The following WDPCP variants were observed in gnomAD, a reference collection of about 807,000 sequenced individuals.
The protein encoded by WDPCP is WD repeat containing planar cell polarity effector.
A neutral mutation model predicts 93.1 loss-of-function variants in WDPCP; 71 were observed. The observed-to-expected ratio is 0.76, with a 90% CI of 0.63 to 0.93. The LOEUF (loss-of-function observed/expected upper bound fraction) is 0.93, where lower values mean the gene tolerates loss of function less well. WDPCP is among the 40% of genes least tolerant of loss of function. The pLI is 0.00. For missense variants in WDPCP, 844 were observed against 887.4 expected (o/e 0.95, Z 0.62); for synonymous variants, 315 against 315.0 (o/e 1.00, Z 0.00).
At chr2:63,754,538 T>G (rs1202643928) in intron 2 of WDPCP, among the ~76,000 whole-genome samples, 1 of 152,200 alleles carries the variant, frequency 6.6e-6, no homozygotes, top group Admixed American at 6.5e-5. Context: ...AAGGAAGAAA[T>G]AGAATACAAA....
chr2:63,259,780 A>T (rs1256631125), intron 13 of WDPCP, among the ~76,000 whole-genome samples: 1 of 152,204 alleles, frequency 6.6e-6, no homozygotes, highest in African/African-American at 2.4e-5. Context: ...TAAGCACGAT[A>T]CAAGGGATAC....
chr2:63,575,309 T>C lies in WDPCP; in HGVS notation c.75+12888A>G, dbSNP rs1005599954. 2.0e-5 allele frequency among the ~76,000 whole-genome samples: 3 copies of C among 147,102 alleles called. No individual in the cohort carries two copies. The East Asian group carries it at 6.1e-4, about 30-fold the overall frequency. On this transcript the variant is annotated intron_variant, in intron 1 of 17. Coordinates refer to ENST00000272321, the MANE Select transcript of WDPCP (RefSeq NM_015910.7). ...ACATATATAGTATGTATATATATAG[T>C]ATGTACATATATACACAGTATATAT...
At chr2:63,266,022 C>CAT (rs1458875297) in intron 13 of WDPCP, among the ~76,000 whole-genome samples, 1 of 152,002 alleles carries the variant, frequency 6.6e-6, no homozygotes, top group African/African-American at 2.4e-5. Context: ...CAATAAAGGC[C>CAT]ATATATGATA....
intron 13 of WDPCP, among the ~76,000 whole-genome samples, chr2:63,282,603 CAT>C (rs1018455655): frequency 2.6e-5 from 4 of 152,110 alleles, no homozygotes; most frequent in Non-Finnish European, 5.9e-5. Context: ...ATTTATAAAA[CAT>C]AGATTAAAAT....
chr2:63,788,305 G>A lies in WDPCP; in HGVS notation n.308+25317C>T, dbSNP rs143047834. On this transcript the variant is annotated intron_variant and non_coding_transcript_variant, in intron 2 of 4. Transcript: ENST00000467687. ...AATATGTCATTGGTGGGTATGACTC[G>A]CAGGGCATTAGCTAATGCAATTTTC... Among the ~76,000 whole-genome samples, 20 of 152,206 alleles carry A rather than the reference G, an allele frequency of 1.3e-4. No individual in the cohort carries two copies. In the East Asian group the frequency reaches 3.3e-3, roughly 25 times the overall value.
chr2:63,630,513 C>T (rs1396322135), intron 3 of WDPCP, among the ~76,000 whole-genome samples: 1 of 151,690 alleles, frequency 6.6e-6, no homozygotes, highest in East Asian at 1.9e-4. Context: ...GAGAAAAAAA[C>T]TCCCAGGGAC....
intron 13 of WDPCP, among the ~76,000 whole-genome samples, chr2:63,284,581 T>C (rs1207510218): frequency 6.6e-6 from 1 of 152,204 alleles, no homozygotes; most frequent in East Asian, 1.9e-4. Flanking sequence ...TAAAGGTAAC[T>C]TGAACACAAG....
chr2:63,620,972 A>C (rs1202123464), intron 3 of WDPCP, among the ~76,000 whole-genome samples: 1 of 152,210 alleles, frequency 6.6e-6, no homozygotes, highest in African/African-American at 2.4e-5. Flanking sequence ...AATAGCATCA[A>C]CATCAACAAA....
chr2:63,182,090 GCAAA>G (rs1287735681), intron 14 of WDPCP, among the ~76,000 whole-genome samples: 1 of 152,016 alleles, frequency 6.6e-6, no homozygotes, highest in East Asian at 1.9e-4. Flanking sequence ...CATATCATGA[GCAAA>G]CAGAGATAAG....
At chr2:63,180,240 G>C (rs1434959383) in intron 14 of WDPCP, among the ~76,000 whole-genome samples, 1 of 152,094 alleles carries the variant, frequency 6.6e-6, no homozygotes, top group Non-Finnish European at 1.5e-5. Flanking sequence ...GTGCAGTTTT[G>C]TTACATGGAT....
intron 3 of WDPCP, among the ~76,000 whole-genome samples, chr2:63,620,555 T>G (rs1442884074): frequency 6.6e-6 from 1 of 152,176 alleles, no homozygotes; most frequent in Non-Finnish European, 1.5e-5. Flanking sequence ...CCCATCTCCC[T>G]GGGACAGAGC....
chr2:63,316,127 ATTACACAGAATG>A (rs888446117), intron 12 of WDPCP, among the ~76,000 whole-genome samples: 27 of 152,146 alleles, frequency 1.8e-4, no homozygotes, highest in African/African-American at 6.3e-4. Context: ...TAAGTCAGGA[ATTACACAGAATG>A]TTACACAGAG....
intron 2 of WDPCP, among the ~76,000 whole-genome samples, chr2:63,656,451 T>G (rs1203703363): frequency 6.6e-6 from 1 of 152,212 alleles, no homozygotes; most frequent in Admixed American, 6.5e-5. Flanking sequence ...ATACCTGGGC[T>G]ACAGGCGGGC....
At chr2:63,812,565 C>T (rs897203899) in intron 2 of WDPCP, among the ~76,000 whole-genome samples, 2 of 152,198 alleles carry the variant, frequency 1.3e-5, no homozygotes, top group African/African-American at 4.8e-5. Flanking sequence ...CACAGCCTCA[C>T]CAACATCTGT....
At chr2:63,442,876 TGAA>T (rs1277597875) in intron 6 of WDPCP, 1 of 152,094 alleles carries the variant, frequency 6.6e-6, no homozygotes, top group Admixed American at 6.6e-5. Context: ...TTTTATGAGA[TGAA>T]GAAGGAAAGT....
Position 63,142,851 on chromosome 2 carries a change from C to T in WDPCP, c.2190+10063G>A, listed in dbSNP as rs969737021. 2.1e-5 allele frequency among the ~76,000 whole-genome samples: 3 copies of T among 143,278 alleles called. No homozygotes were observed. The Admixed American group carries it at 2.1e-4, about 10-fold the overall frequency. 94.0% of individuals were successfully genotyped at this position (143,278 alleles called of 152,430 possible). ...GTGTGTGTGTGTGTGTGTGTGTGTA[C>T]ACACATATATATACACACATACATA... On this transcript the variant is annotated intron_variant, in intron 17 of 17. Transcript: ENST00000272321.
chr2:63,541,261 C>A (rs557131550), intron 1 of WDPCP, among the ~76,000 whole-genome samples: 69 of 152,266 alleles, frequency 4.5e-4, no homozygotes, highest in African/African-American at 1.6e-3. Flanking sequence ...ACATGAGACA[C>A]CATGCCCAGC....
chr2:63,527,306 G>A (rs1703417065), intron 1 of WDPCP, among the ~76,000 whole-genome samples: 2 of 149,990 alleles, frequency 1.3e-5, no homozygotes, highest in Non-Finnish European at 3.0e-5. Flanking sequence ...GTGCCATGTT[G>A]GTGTGCTACA....
chr2:63,684,441 T>C, intron 2 of WDPCP: 3 of 848,088 alleles, frequency 3.5e-6, no homozygotes, highest in South Asian at 1.3e-5. Flanking sequence ...GTGGCTGGAA[T>C]TGACTGCTAC....
Sources: allele counts gnomAD v4.1 joint callset (sites outside exome capture counted in the v4.1 genomes callset), GRCh38; gene constraint gnomAD v4.1.1; transcripts MANE v1.5; gene names NCBI Gene and HGNC (gene_info 2026-07-23, HGNC 2026-07-21).